SLC12A1: variants seen among roughly 807,000 people sequenced by gnomAD.
SLC12A1 encodes Na-K-2Cl cotransporter.
Under a neutral mutation model 130.4 loss-of-function variants are expected in SLC12A1, and 89 were observed. The ratio of observed to expected loss-of-function variants is 0.68; its 90% CI spans 0.58 to 0.81. The LOEUF (loss-of-function observed/expected upper bound fraction) is 0.81. Ranked by LOEUF, SLC12A1 falls within the 40% of genes least tolerant of loss-of-function variation. The pLI is 0.00. For synonymous variants in SLC12A1, 499 were observed against 460.0 expected (o/e 1.08, Z -1.09); for missense variants, 1,310 against 1,336.4 (o/e 0.98, Z 0.31).
chr15:48,270,609 T>C (rs1441824860), intron 19 of SLC12A1, among the ~76,000 whole-genome samples: 1 of 144,070 alleles, frequency 6.9e-6, no homozygotes, highest in Non-Finnish European at 1.5e-5. Flanking sequence ...ATATATTTTA[T>C]ACTATATATA....
rs777000862 is a variant in SLC12A1, at chr15:48,301,349, A to G, written c.3131A>G (p.Gln1044Arg). ...CAAGTTCGACTGAATGAACTCTTAC[A>G]GGAGCACTCCAGAGCTGCTAATCTC... ...YRQVRLNELLQEHSRAANLIV... is the reference protein window; with the variant it reads ...YRQVRLNELLREHSRAANLIV... Residue 1044 changes from glutamine to arginine, a missense_variant, in exon 26 of 27, where the codon CAG (glutamine) becomes CGG (arginine). Transcript: ENST00000380993. The G allele has an allele frequency of 6.2e-7, 1 of 1,600,056 alleles. No individual in the cohort carries two copies. Among genetic ancestry groups the G allele is most frequent in the Admixed American group, 1.7e-5 (1 of 58,446 alleles).
chr15:48,290,134 T>C (rs924939247), intron 23 of SLC12A1, among the ~76,000 whole-genome samples: 1 of 152,178 alleles, frequency 6.6e-6, no homozygotes, highest in African/African-American at 2.4e-5. Flanking sequence ...AACTGTTTTC[T>C]TTTTTTCTTT....
intron 2 of SLC12A1, among the ~76,000 whole-genome samples, chr15:48,219,358 C>T (rs2041170071): frequency 2.0e-5 from 3 of 152,034 alleles, no homozygotes; most frequent in Non-Finnish European, 4.4e-5. Flanking sequence ...GAGATCAGGA[C>T]CATCCTGGCC....
At chr15:48,238,243 A>T (rs551712022) in intron 9 of SLC12A1, among the ~76,000 whole-genome samples, 1 of 152,230 alleles carries the variant, frequency 6.6e-6, no homozygotes, top group African/African-American at 2.4e-5. Flanking sequence ...GGAAGCTCAC[A>T]TTTGTCTATT....
At position 48,255,815 on chromosome 15, in the gene SLC12A1, G is replaced by C. The variant is rs1180999996; in HGVS notation, c.1947G>C (p.Val649=). The C allele has an allele frequency of 1.2e-6, 2 of 1,600,320 alleles. No homozygotes were observed. The highest frequency in any genetic ancestry group is 1.7e-6 in the Non-Finnish European group (2 of 1,171,518). Residue 649 remains valine, a synonymous_variant, in exon 16 of 27, where the codon GTG becomes GTC. Coordinates refer to ENST00000380993, the MANE Select transcript of SLC12A1 (RefSeq NM_000338.3). ...YVYVTCKKPD[V]NWGSSTQALS... ...AATTTCCTCCTTTATCCACAGATGT[G>C]AACTGGGGCTCCTCCACACAGGCTC...
rs1056696233 is a variant in SLC12A1 at position 48,259,182 on chromosome 15, T to A, written c.2043-18T>A. ...CTTCTTGCAGGGGCTCATTTTCACA[T>A]CTTTTTTTTACTTCCAGGCCCCAGT... On this transcript the variant is annotated intron_variant, in intron 16 of 26. Coordinates refer to ENST00000380993, the MANE Select transcript of SLC12A1 (RefSeq NM_000338.3). 5 of 1,501,730 alleles carry A rather than the reference T, an allele frequency of 3.3e-6. No homozygotes were observed. In the East Asian group the frequency reaches 9.0e-5, roughly 27 times the overall value. 93.0% of individuals were successfully genotyped at this position (1,501,730 alleles called of 1,614,324 possible).
chr15:48,300,384 T>C (rs1195122237), intron 25 of SLC12A1, among the ~76,000 whole-genome samples: 4 of 151,766 alleles, frequency 2.6e-5, no homozygotes, highest in Non-Finnish European at 5.9e-5. Context: ...ATTTAAAAGC[T>C]CTTCAGGTAG....
At chr15:48,257,879 T>C (rs963955361) in intron 16 of SLC12A1, among the ~76,000 whole-genome samples, 3 of 152,180 alleles carry the variant, frequency 2.0e-5, no homozygotes, top group African/African-American at 7.2e-5. Flanking sequence ...CCAGCTTAAA[T>C]TTCTCCCCAG....
At chr15:48,209,091 C>T (rs951887525) in intron 2 of SLC12A1, among the ~76,000 whole-genome samples, 3 of 152,136 alleles carry the variant, frequency 2.0e-5, no homozygotes, top group African/African-American at 7.2e-5. Context: ...GACGAAGTAT[C>T]GCTCTTGTTG....
intron 15 of SLC12A1, among the ~76,000 whole-genome samples, chr15:48,252,262 T>C (rs2041657280): frequency 6.6e-6 from 1 of 152,190 alleles, no homozygotes; most frequent in African/African-American, 2.4e-5. Context: ...ACCTATTATA[T>C]ACCATGCACT....
Position 48,288,174 on chromosome 15 carries a change from G to A in SLC12A1, c.2761G>A (p.Gly921Arg), listed in dbSNP as rs1430380943. The change falls in exon 22 of 27, where the codon GGG becomes AGG. Residue 921 changes from glycine (G) to arginine (R), a missense_variant and splice_region_variant. By Grantham distance (125) the Gly-to-Arg change is moderately radical (BLOSUM62 -2). Transcript: ENST00000380993. ...IDVWWLFDDG[G>R]LTLLIPYILT... is the part of the protein sequence containing the mutation. ...TGTTTGGTGGTTGTTTGATGATGGA[G>A]GTAAAAACTTTCAGAAAATACACTA... 1 of 1,607,392 alleles carries A rather than the reference G, an allele frequency of 6.2e-7. No homozygotes were observed. The highest frequency in any genetic ancestry group is 1.3e-5 in the African/African-American group (1 of 74,872).
intron 10 of SLC12A1, among the ~76,000 whole-genome samples, chr15:48,242,051 G>T (rs909827062): frequency 5.9e-5 from 9 of 152,288 alleles, no homozygotes; most frequent in African/African-American, 2.2e-4. Flanking sequence ...TCCTTGTACT[G>T]CTATCCTTAA....
intron 10 of SLC12A1, among the ~76,000 whole-genome samples, chr15:48,243,020 T>C (rs2041535322): frequency 6.6e-6 from 1 of 152,028 alleles, no homozygotes; most frequent in South Asian, 2.1e-4. Flanking sequence ...CTTCTTCTAG[T>C]TTTGCCCCTA....
Position 48,241,501 on chromosome 15 carries a change from T to C in SLC12A1, c.1216-14T>C, listed in dbSNP as rs1013189906. The stretch of plus-strand genomic sequence containing the variant: ...TGCTCTGTATTCTTCTACCTCCACA[T>C]TATTTTTTTAAAGGATCCCCAAGAT... On this transcript the variant is annotated splice_polypyrimidine_tract_variant and intron_variant, in intron 9 of 26. Transcript: ENST00000380993. 1 of 1,590,758 alleles carries C rather than the reference T, an allele frequency of 6.3e-7. No homozygotes were observed. Among genetic ancestry groups the C allele is most frequent in the South Asian group, 1.1e-5 (1 of 90,640 alleles).
intron 20 of SLC12A1, among the ~76,000 whole-genome samples, chr15:48,283,252 G>A (rs2042026037): frequency 6.6e-6 from 1 of 152,096 alleles, no homozygotes; most frequent in African/African-American, 2.4e-5. Flanking sequence ...CTTGGGGGGT[G>A]GGAAAAGGAA....
intron 24 of SLC12A1, among the ~76,000 whole-genome samples, chr15:48,293,269 A>G (rs746353163): frequency 1.3e-5 from 2 of 152,252 alleles, no homozygotes; most frequent in Non-Finnish European, 2.9e-5. Flanking sequence ...AGGGTGCAAG[A>G]AGATTGTTTA....
intron 12 of SLC12A1, 25 bp from the exon 13 acceptor site, chr15:48,247,312 A>G (rs1227148474): frequency 6.3e-7 from 1 of 1,593,702 alleles, no homozygotes; most frequent in East Asian, 2.2e-5. Context: ...ATAAATGACA[A>G]ATTTCTTCTC....
At chr15:48,295,740 G>A (rs924004431) in intron 24 of SLC12A1, among the ~76,000 whole-genome samples, 2 of 152,128 alleles carry the variant, frequency 1.3e-5, no homozygotes, top group African/African-American at 2.4e-5. Flanking sequence ...AATCCTTGTG[G>A]CCAATATACC....
chr15:48,224,710 C>T (rs1162611954), intron 4 of SLC12A1: 1 of 152,092 alleles, frequency 6.6e-6, no homozygotes, highest in Non-Finnish European at 1.5e-5. Context: ...AAATTTATGT[C>T]CCGTTTTTAG....
Sources: gnomAD v4.1 joint callset for allele counts (sites outside exome capture counted in the v4.1 genomes callset) on GRCh38, gnomAD v4.1.1 for gene constraint, MANE v1.5 for transcripts, NCBI Gene and HGNC (gene_info 2026-07-23, HGNC 2026-07-21) for gene names.